Variants in NDRG4 observed in about 807,000 individuals in gnomAD.
NDRG4 encodes the protein NDRG family member 4, also known as protein NDRG4.
NDRG4 carries 38 observed loss-of-function variants against 55.8 expected under a neutral mutation model. That is an observed-to-expected ratio of 0.68 (90% CI 0.53 to 0.89). The LOEUF is 0.89. Ranked by LOEUF, NDRG4 falls within the 40% of genes least tolerant of loss-of-function variation. The pLI is 0.00. For missense variants in NDRG4, 455 were observed against 468.6 expected (o/e 0.97, Z 0.27); for synonymous variants, 190 against 182.7 (o/e 1.04, Z -0.32).
chr16:58,494,219 G>T (rs1320307228), intron 2 of NDRG4, among the ~76,000 whole-genome samples: 1 of 152,174 alleles, frequency 6.6e-6, no homozygotes, highest in Non-Finnish European at 1.5e-5. Flanking sequence ...AGACTCAAAC[G>T]GTTCACTGTG....
chr16:58,506,715 TCACTC>T, intron 7 of NDRG4, 101 bp downstream of exon 7: 2 of 1,355,326 alleles, frequency 1.5e-6, no homozygotes, highest in Non-Finnish European at 2.0e-6. Context: ...CTGACCTGGC[TCACTC>T]CAGATGCTAA....
chr16:58,507,971 GGGA>G lies in NDRG4; in HGVS notation c.702_704del (p.Asp235del), dbSNP rs1285985620. 2 of 1,597,946 alleles carry G rather than the reference GGGA, an allele frequency of 1.3e-6. No homozygotes were observed. Among genetic ancestry groups the G allele is most frequent in the South Asian group, 2.3e-5 (2 of 88,630 alleles). ...AGCTGCCCCGTGATGCTGGTGGTTG[GGGA>G]TAATGCACCCGCTGAGGACGGGGTG... On this transcript the variant is annotated inframe_deletion, in exon 10 of 15. Coordinates refer to ENST00000570248, the MANE Select transcript of NDRG4 (RefSeq NM_001242835.2).
chr16:58,476,133 A>AT (rs2033589242), intron 1 of NDRG4, among the ~76,000 whole-genome samples: 1 of 152,192 alleles, frequency 6.6e-6, no homozygotes, highest in Non-Finnish European at 1.5e-5. Context: ...TGAAAGTAAC[A>AT]TGCTTCCATT....
chr16:58,491,388 C>T (rs1486903137), intron 2 of NDRG4, among the ~76,000 whole-genome samples: 1 of 152,198 alleles, frequency 6.6e-6, no homozygotes, highest in Non-Finnish European at 1.5e-5. Flanking sequence ...CTGGCTCTCT[C>T]AGGCTGTGGC....
downstream of NDRG4, among the ~76,000 whole-genome samples, chr16:58,514,151 C>T (rs567879364): frequency 6.6e-6 from 1 of 152,234 alleles, no homozygotes; most frequent in African/African-American, 2.4e-5. Context: ...AATCTATAAC[C>T]AGATATACTT....
At chr16:58,513,954 C>T (rs246193), downstream of NDRG4, among the ~76,000 whole-genome samples, 96,331 of 151,884 alleles carry the variant, frequency 0.63, 31,668 homozygotes, top group East Asian at 0.95. Context: ...CAAGACTCTG[C>T]CTCAAAATAA....
upstream of NDRG4, among the ~76,000 whole-genome samples, chr16:58,496,711 G>A (rs1271021575): frequency 1.3e-5 from 2 of 152,128 alleles, no homozygotes; most frequent in Non-Finnish European, 2.9e-5. Flanking sequence ...TTTCTAAGGC[G>A]ATGGTGCCCA....
chr16:58,469,112 A>T (rs1339738632), intron 1 of NDRG4, among the ~76,000 whole-genome samples: 4 of 152,226 alleles, frequency 2.6e-5, no homozygotes, highest in Admixed American at 6.5e-5. Flanking sequence ...AATACATGGA[A>T]TATCTAGCCC....
chr16:58,463,830 G>A (rs960998320), intron 1 of NDRG4: 1 of 152,746 alleles, frequency 6.5e-6, no homozygotes, highest in African/African-American at 2.4e-5. Flanking sequence ...CCTGAGCCCA[G>A]GGCCAGCTTC....
intron 3 of NDRG4, 23 bp from the exon 4 acceptor site, chr16:58,504,336 C>T: frequency 1.2e-6 from 2 of 1,613,924 alleles, no homozygotes; most frequent in Non-Finnish European, 1.7e-6. Context: ...CACCTGGGCC[C>T]TGACCTCCTG....
In NDRG4 at chr16:58,478,206, C is replaced by T. The variant is rs191615088; in HGVS notation, c.-23-9550C>T. On this transcript the variant is annotated intron_variant, in intron 1 of 15. Transcript: ENST00000258187. ...GGGTTTGAGACCAGCCTGGCCAACA[C>T]GGTGAAACCCTGTTTCTACTAAAAA... Among the ~76,000 whole-genome samples the T allele has an allele frequency of 3.6e-3, 550 of 152,128 alleles. 18 individuals carry two copies. Among genetic ancestry groups the T allele is most frequent in the Admixed American group, 0.035 (530 of 15,266 alleles).
intron 1 of NDRG4, 184 bp downstream of exon 1, chr16:58,500,453 A>T: frequency 1.2e-5 from 8 of 666,208 alleles, no homozygotes; most frequent in Non-Finnish European, 1.3e-5. Context: ...TCCTGTTTGC[A>T]GGAGTGGCTG....
At chr16:58,511,015 A>C (rs1482409113) in intron 14 of NDRG4, 3 of 491,930 alleles carry the variant, frequency 6.1e-6, no homozygotes, top group Non-Finnish European at 1.1e-5. Context: ...CGGAGGGTAG[A>C]GTTTGCTGCC....
chr16:58,492,044 G>A (rs1472385510), intron 2 of NDRG4, among the ~76,000 whole-genome samples: 2 of 152,172 alleles, frequency 1.3e-5, no homozygotes, highest in Non-Finnish European at 2.9e-5. Context: ...AGCCTCCCAA[G>A]TAGCTGGGAT....
At chr16:58,501,227 C>T (rs1049559289) in intron 1 of NDRG4, 10 of 419,936 alleles carry the variant, frequency 2.4e-5, no homozygotes, top group Admixed American at 1.8e-4. Flanking sequence ...CCCGCCCATG[C>T]AGACCCTGTC....
chr16:58,494,832 T>TA lies in NDRG4; in HGVS notation c.73-117dup, dbSNP rs59711785. ...GGGTGATAGAGTGAGACCCTGTCTC[T>TA]AAAAAAAAAAAAAAAGAAAAGAAAA... On this transcript the variant is annotated intron_variant, in intron 2 of 15. Transcript: ENST00000258187. The TA allele has an allele frequency of 0.14, 76,919 of 531,574 alleles. 159 individuals are homozygous for TA. Among genetic ancestry groups the TA allele is most frequent in the Middle Eastern group, 0.17 (386 of 2,270 alleles). 32.9% of individuals were successfully genotyped at this position (531,574 alleles called of 1,614,324 possible). A position where few individuals can be genotyped will look rare whatever the true frequency, so the allele number is the denominator to read the frequency against.
At chr16:58,491,005 G>T (rs1463240295) in intron 2 of NDRG4, among the ~76,000 whole-genome samples, 1 of 151,530 alleles carries the variant, frequency 6.6e-6, no homozygotes, top group African/African-American at 2.4e-5. Flanking sequence ...GGCCGGGCAT[G>T]GTGGCTCACA....
intron 14 of NDRG4, 127 bp from the exon 15 acceptor site, chr16:58,511,295 C>T (rs2038772163): frequency 7.3e-6 from 8 of 1,101,964 alleles, no homozygotes; most frequent in East Asian, 2.4e-5. Flanking sequence ...AGCCTCCTGA[C>T]TCAGGAGGAG....
intron 2 of NDRG4, among the ~76,000 whole-genome samples, chr16:58,491,543 C>G (rs150357940): frequency 1.3e-5 from 2 of 152,192 alleles, no homozygotes; most frequent in Non-Finnish European, 2.9e-5. Flanking sequence ...TCACCACAAC[C>G]TCCGCCTCCC....
Sources: gnomAD v4.1 joint callset for allele counts (sites outside exome capture counted in the v4.1 genomes callset) on GRCh38, gnomAD v4.1.1 for gene constraint, MANE v1.5 for transcripts, NCBI Gene and HGNC (gene_info 2026-07-23, HGNC 2026-07-21) for gene names.